FMNL2: variants seen among roughly 807,000 people sequenced by gnomAD.
FMNL2 encodes formin like 2, also known as formin-like protein 2.
FMNL2 carries 51 observed loss-of-function variants against 130.2 expected under a neutral mutation model. The observed-to-expected ratio is 0.39, with a 90% CI of 0.31 to 0.49. The LOEUF (loss-of-function observed/expected upper bound fraction) is 0.49, where lower values mean the gene tolerates loss of function less well. Ranked by LOEUF, FMNL2 falls within the 20% of genes least tolerant of loss-of-function variation. The probability of loss-of-function intolerance (pLI) is 0.85; values close to 1 mark genes in which losing one functional copy is unlikely to be tolerated. For missense variants in FMNL2, 977 were observed against 1,316.2 expected (o/e 0.74, Z 3.99); for synonymous variants, 465 against 467.1 (o/e 1.00, Z 0.06).
intron 15 of FMNL2, 43 bp downstream of exon 15, chr2:152,619,761 G>A (rs1699153440): frequency 3.8e-6 from 6 of 1,581,662 alleles, no homozygotes; most frequent in Non-Finnish European, 4.3e-6. Flanking sequence ...TATCAGAAAT[G>A]CTGTCTTATC....
At chr2:152,645,052 A>G (rs931562211) in intron 25 of FMNL2, among the ~76,000 whole-genome samples, 4 of 152,198 alleles carry the variant, frequency 2.6e-5, no homozygotes, top group East Asian at 1.9e-4. Context: ...GCACTTATGT[A>G]TGTTCTTCTA....
intron 1 of FMNL2, among the ~76,000 whole-genome samples, chr2:152,402,949 A>G (rs1361307639): frequency 2.0e-5 from 3 of 152,116 alleles, no homozygotes; most frequent in Non-Finnish European, 4.4e-5. Flanking sequence ...GTGGAGCCCC[A>G]GGCTATTTTT....
At chr2:152,427,458 A>T (rs1189509112) in intron 1 of FMNL2, among the ~76,000 whole-genome samples, 1 of 152,168 alleles carries the variant, frequency 6.6e-6, no homozygotes, top group East Asian at 1.9e-4. Flanking sequence ...GAGGCAGGAG[A>T]ATCGCTTGAA....
chr2:152,645,242 CAG>C (rs1270370248), intron 25 of FMNL2, among the ~76,000 whole-genome samples: 1 of 152,134 alleles, frequency 6.6e-6, no homozygotes, highest in African/African-American at 2.4e-5. Flanking sequence ...ACTGGGTGGT[CAG>C]AGAGCTGGGT....
intron 2 of FMNL2, among the ~76,000 whole-genome samples, chr2:152,540,063 C>T (rs1694220595): frequency 6.6e-6 from 1 of 151,974 alleles, no homozygotes; most frequent in Non-Finnish European, 1.5e-5. Flanking sequence ...GCATTCCAGC[C>T]TGGGTGACAG....
At chr2:152,643,486 TCTCA>T (rs1683276919) in intron 25 of FMNL2, 1 of 1,536,182 alleles carries the variant, frequency 6.5e-7, no homozygotes, top group Non-Finnish European at 8.7e-7. Context: ...GCGAACCTGT[TCTCA>T]CTGAGGAATA....
intron 17 of FMNL2, among the ~76,000 whole-genome samples, chr2:152,627,006 ACAT>A (rs971163855): frequency 1.6e-4 from 24 of 152,206 alleles, no homozygotes; most frequent in Admixed American, 9.8e-4. Flanking sequence ...CTGGATTGTG[ACAT>A]CATTTATTAT....
At chr2:152,415,639 T>C (rs1255309897) in intron 1 of FMNL2, among the ~76,000 whole-genome samples, 4 of 149,042 alleles carry the variant, frequency 2.7e-5, no homozygotes. Context: ...GAGAATTTTT[T>C]CCCCCCTCTG....
intron 2 of FMNL2, among the ~76,000 whole-genome samples, chr2:152,525,500 T>C (rs1693337644): frequency 6.6e-6 from 1 of 152,194 alleles, no homozygotes; most frequent in Non-Finnish European, 1.5e-5. Flanking sequence ...CTGTGGTGAT[T>C]TGGCATGAGT....
intron 1 of FMNL2, among the ~76,000 whole-genome samples, chr2:152,417,011 C>G (rs1686655184): frequency 6.6e-6 from 1 of 152,174 alleles, no homozygotes; most frequent in Non-Finnish European, 1.5e-5. Flanking sequence ...ATTTGTAGAT[C>G]TGGATAGTCA....
At chr2:152,636,360 C>G (rs1682602168) in intron 21 of FMNL2, 67 bp from the exon 22 acceptor site, 7 of 1,511,974 alleles carry the variant, frequency 4.6e-6, no homozygotes, top group Non-Finnish European at 6.3e-6. Context: ...CTTGGCCCAG[C>G]AGCCAGATTC....
At chr2:152,441,123 A>T (rs1314597458) in intron 1 of FMNL2, among the ~76,000 whole-genome samples, 9 of 152,226 alleles carry the variant, frequency 5.9e-5, no homozygotes, top group Admixed American at 5.9e-4. Flanking sequence ...CTTGGAGTTG[A>T]CCTTAATTGT....
chr2:152,450,702 A>G (rs917792791), intron 1 of FMNL2, among the ~76,000 whole-genome samples: 16 of 152,126 alleles, frequency 1.1e-4, no homozygotes, highest in African/African-American at 3.9e-4. Context: ...AGTCAGCCCC[A>G]TGTGGCATCT....
intron 3 of FMNL2, among the ~76,000 whole-genome samples, chr2:152,545,646 G>A (rs1035116558): frequency 1.3e-5 from 2 of 152,126 alleles, no homozygotes; most frequent in African/African-American, 4.8e-5. Flanking sequence ...GCTCATCCTG[G>A]GCTCAGCTGC....
chr2:152,579,065 A>G, intron 8 of FMNL2, 101 bp downstream of exon 8: 1 of 922,160 alleles, frequency 1.1e-6, no homozygotes, highest in East Asian at 2.6e-5. Flanking sequence ...TCAAGTGTTA[A>G]TCTCTGAAAT....
At chr2:152,553,605 G>A (rs1695051991) in intron 4 of FMNL2, among the ~76,000 whole-genome samples, 1 of 148,394 alleles carries the variant, frequency 6.7e-6, no homozygotes, top group African/African-American at 2.5e-5. Context: ...ACCCCAATAA[G>A]CTTTTGTTTA....
intron 9 of FMNL2, among the ~76,000 whole-genome samples, chr2:152,594,201 T>C (rs1317534190): frequency 6.6e-6 from 1 of 152,208 alleles, no homozygotes; most frequent in Non-Finnish European, 1.5e-5. Flanking sequence ...TTTATGATTC[T>C]ATATAAAACT....
At chr2:152,456,599 C>T (rs2035890442) in intron 1 of FMNL2, among the ~76,000 whole-genome samples, 1 of 152,098 alleles carries the variant, frequency 6.6e-6, no homozygotes, top group African/African-American at 2.4e-5. Context: ...TTATAATATG[C>T]CCTTCAGTTT....
chr2:152,630,080 A>T (rs1682060808), intron 20 of FMNL2, among the ~76,000 whole-genome samples, 175 bp downstream of exon 20: 1 of 152,220 alleles, frequency 6.6e-6, no homozygotes, highest in Non-Finnish European at 1.5e-5. Context: ...AATTACTCAT[A>T]CCCTTTGACT....
Sources: allele counts gnomAD v4.1 joint callset (sites outside exome capture counted in the v4.1 genomes callset), GRCh38; gene constraint gnomAD v4.1.1; transcripts MANE v1.5; gene names NCBI Gene and HGNC (gene_info 2026-07-23, HGNC 2026-07-21).